Variants in LRBA observed in about 807,000 individuals in gnomAD.
The protein encoded by LRBA is LPS responsive beige-like anchor protein, also known as lipopolysaccharide-responsive and beige-like anchor protein.
LRBA carries 176 observed loss-of-function variants against 330.0 expected under a neutral mutation model. The ratio of observed to expected loss-of-function variants is 0.53; its 90% CI spans 0.47 to 0.60. LRBA has a LOEUF of 0.60. LRBA is among the 20% of genes least tolerant of loss of function. The pLI is 0.00. For synonymous variants in LRBA, 1,230 were observed against 1,193.0 expected (o/e 1.03, Z -0.64); for missense variants, 3,259 against 3,444.8 (o/e 0.95, Z 1.35).
intron 47 of LRBA, among the ~76,000 whole-genome samples, chr4:150,409,391 T>C (rs537471873): frequency 2.6e-5 from 4 of 152,156 alleles, no homozygotes; most frequent in African/African-American, 9.6e-5. Context: ...TAACTATTTA[T>C]CTCAGAATCC....
chr4:150,677,990 A>G (rs1309487765), intron 37 of LRBA, among the ~76,000 whole-genome samples: 1 of 152,090 alleles, frequency 6.6e-6, no homozygotes, highest in African/African-American at 2.4e-5. Flanking sequence ...CCATAATCCT[A>G]GCACTTTGGG....
At position 150,349,687 on chromosome 4, in the gene LRBA, C is replaced by T. The variant is rs551644173; in HGVS notation, c.7362+305G>A. 1.2e-4 allele frequency among the ~76,000 whole-genome samples: 18 copies of T among 152,080 alleles called. No homozygotes were observed. In the South Asian group the frequency reaches 3.7e-3, roughly 32 times the overall value. Reference sequence around the variant, plus strand: ...ATCATATCTCTTTAATGAATTATTACTATTTTCCTACAAAAATCATGAGTA... The same window carrying T: ...ATCATATCTCTTTAATGAATTATTATTATTTTCCTACAAAAATCATGAGTA... On this transcript the variant is annotated intron_variant, in intron 48 of 56. Transcript: ENST00000651943.
At chr4:150,666,357 C>T (rs1781555207) in intron 37 of LRBA, among the ~76,000 whole-genome samples, 1 of 151,878 alleles carries the variant, frequency 6.6e-6, no homozygotes, top group African/African-American at 2.4e-5. Flanking sequence ...ACTAAAAATA[C>T]AAAAATCAGT....
intron 47 of LRBA, among the ~76,000 whole-genome samples, chr4:150,409,843 T>C (rs903696769): frequency 1.3e-5 from 2 of 152,028 alleles, no homozygotes; most frequent in Non-Finnish European, 2.9e-5. Flanking sequence ...AACCAAACAA[T>C]AGTAATTTTA....
chr4:150,868,075 A>G, intron 21 of LRBA, 107 bp downstream of exon 21: 1 of 1,213,774 alleles, frequency 8.2e-7, no homozygotes, highest in Non-Finnish European at 1.1e-6. Context: ...TAAAAAAAAT[A>G]GAAAAATCAT....
chr4:150,759,728 A>G (rs897897502), intron 35 of LRBA, among the ~76,000 whole-genome samples: 3 of 152,102 alleles, frequency 2.0e-5, no homozygotes, highest in Admixed American at 6.6e-5. Context: ...CAATCCACGA[A>G]AAAAAGAATC....
intron 38 of LRBA, chr4:150,597,049 A>G: frequency 8.8e-7 from 1 of 1,135,846 alleles, no homozygotes; most frequent in Non-Finnish European, 1.3e-6. Flanking sequence ...GACAATAATC[A>G]TAAAATTACT....
intron 5 of LRBA, among the ~76,000 whole-genome samples, chr4:150,920,707 T>C (rs755048839): frequency 1.8e-4 from 27 of 152,214 alleles, no homozygotes; most frequent in Non-Finnish European, 3.2e-4. Context: ...AATTGTCTTA[T>C]GTATAAACTG....
intron 44 of LRBA, among the ~76,000 whole-genome samples, chr4:150,441,123 T>G (rs1751777273): frequency 6.6e-6 from 1 of 151,970 alleles, no homozygotes. Flanking sequence ...ATAATGATAA[T>G]AATTATTATT....
intron 38 of LRBA, among the ~76,000 whole-genome samples, chr4:150,595,807 G>C (rs912947296): frequency 1.3e-5 from 2 of 151,828 alleles, no homozygotes; most frequent in African/African-American, 4.8e-5. Flanking sequence ...AATAAAGTTA[G>C]ACTAGATGTT....
chr4:150,806,782 C>A (rs1448213098), intron 32 of LRBA, among the ~76,000 whole-genome samples: 2 of 151,906 alleles, frequency 1.3e-5, no homozygotes, highest in African/African-American at 4.8e-5. Context: ...AGTTCAAGAA[C>A]CATGACTTCA....
intron 46 of LRBA, among the ~76,000 whole-genome samples, chr4:150,422,347 C>G (rs552475349): frequency 2.0e-5 from 3 of 152,214 alleles, no homozygotes; most frequent in African/African-American, 7.2e-5. Flanking sequence ...TTTCCTTGCC[C>G]CATTGACTTC....
intron 40 of LRBA, among the ~76,000 whole-genome samples, chr4:150,504,793 G>C (rs1225525580): frequency 6.6e-6 from 1 of 152,092 alleles, no homozygotes; most frequent in East Asian, 1.9e-4. Flanking sequence ...ATTGGATAAA[G>C]AGTCAAGACC....
intron 29 of LRBA, among the ~76,000 whole-genome samples, chr4:150,830,047 A>G (rs969533467): frequency 3.3e-5 from 5 of 152,018 alleles, no homozygotes; most frequent in African/African-American, 9.7e-5. Flanking sequence ...CTAGTTACCA[A>G]CCTAATCCAA....
intron 35 of LRBA, among the ~76,000 whole-genome samples, chr4:150,751,087 T>G (rs1469892854): frequency 6.6e-6 from 1 of 152,116 alleles, no homozygotes; most frequent in East Asian, 1.9e-4. Context: ...TCTAAGCAAT[T>G]AACAGCAACA....
chr4:150,332,684 A>C (rs1734144319), intron 48 of LRBA, among the ~76,000 whole-genome samples: 1 of 149,748 alleles, frequency 6.7e-6, no homozygotes, highest in Non-Finnish European at 1.5e-5. Context: ...GCTTTATTAA[A>C]TATTCTTATT....
chr4:150,717,498 A>T (rs987721480), intron 36 of LRBA, among the ~76,000 whole-genome samples: 1 of 151,654 alleles, frequency 6.6e-6, no homozygotes, highest in Non-Finnish European at 1.5e-5. Flanking sequence ...CTCTACAAAA[A>T]ACAAAACAAA....
chr4:150,972,031 T>C (rs1739636480), intron 2 of LRBA, among the ~76,000 whole-genome samples: 1 of 152,162 alleles, frequency 6.6e-6, no homozygotes, highest in Non-Finnish European at 1.5e-5. Context: ...AATATATTTA[T>C]AGATTCTCTT....
At chr4:150,454,225 C>G (rs528184606) in intron 44 of LRBA, among the ~76,000 whole-genome samples, 1 of 152,140 alleles carries the variant, frequency 6.6e-6, no homozygotes, top group African/African-American at 2.4e-5. Flanking sequence ...TCCCAAAGTG[C>G]TGGGATTACA....
Sources: gnomAD v4.1 joint callset for allele counts (sites outside exome capture counted in the v4.1 genomes callset) on GRCh38, gnomAD v4.1.1 for gene constraint, MANE v1.5 for transcripts, NCBI Gene and HGNC (gene_info 2026-07-23, HGNC 2026-07-21) for gene names.